Variants in OSBPL3 observed in about 807,000 individuals in gnomAD.
The protein encoded by OSBPL3 is oxysterol-binding protein-related protein 3.
Under a neutral mutation model 120.1 loss-of-function variants are expected in OSBPL3, and 65 were observed. The observed-to-expected ratio is 0.54, with a 90% confidence interval of 0.44 to 0.67. The LOEUF (loss-of-function observed/expected upper bound fraction) is 0.67. Among genes scored for constraint, OSBPL3 ranks in the 30% least tolerant of loss-of-function variants. The pLI is 0.00. For missense variants in OSBPL3, 1,004 were observed against 1,082.1 expected (o/e 0.93, Z 1.01); for synonymous variants, 416 against 402.6 (o/e 1.03, Z -0.40).
chr7:24,859,080 A>C (rs1171467388), intron 10 of OSBPL3, among the ~76,000 whole-genome samples: 1 of 152,332 alleles, frequency 6.6e-6, no homozygotes. Flanking sequence ...CACTCATAAC[A>C]GTCTAATGGT....
At position 24,840,314 on chromosome 7, in the gene OSBPL3, G is replaced by A. The variant is rs1797582955; in HGVS notation, c.1495+376C>T. 5.3e-5 allele frequency among the ~76,000 whole-genome samples: 8 copies of A among 152,216 alleles called. 1 individual carries two copies. In the South Asian group the frequency reaches 1.7e-3, roughly 32 times the overall value. On this transcript the variant is annotated intron_variant, in intron 14 of 22. Coordinates refer to ENST00000313367, the MANE Select transcript of OSBPL3 (RefSeq NM_015550.4). Reference sequence around the variant, plus strand: ...TTCTGCCTCTGCTACCCTTGAGATAGCAAGACCAACCCCTTCTCTTCTTCC... The same window carrying A: ...TTCTGCCTCTGCTACCCTTGAGATAACAAGACCAACCCCTTCTCTTCTTCC...
rs1300724121 is a variant in OSBPL3, at chr7:24,940,836, G to GAT, written c.-150+39049_-150+39050insAT. ...TTTTTTTCTTTTTTTTTTTGTGTGT[G>GAT]TGTGACGGAGTCTCGCTCTGTCGCC... is the stretch of plus-strand genomic sequence containing the variant. On this transcript the variant is annotated intron_variant, in intron 1 of 22. Transcript: ENST00000313367. This position sits in a 1 kb window ranked among gnomAD's most constrained non-coding sequence, Gnocchi z 4.4. 6.8e-6 allele frequency among the ~76,000 whole-genome samples: 1 copy of GAT among 146,452 alleles called. No individual in the cohort carries two copies. Among genetic ancestry groups the GAT allele is most frequent in the African/African-American group, 2.6e-5 (1 of 39,176 alleles).
Position 24,852,409 on chromosome 7 carries a change from CT to C in OSBPL3, c.1158+94del. The stretch of plus-strand genomic sequence containing the variant: ...ATAATTTGGATAATTTGGTTTTCTC[CT>C]GAATTTTCAACATAATCATGGAAAT... On this transcript the variant is annotated intron_variant, in intron 11 of 22. Coordinates refer to ENST00000313367, the MANE Select transcript of OSBPL3 (RefSeq NM_015550.4). The surrounding 1 kb of genome is among the most constrained non-coding windows in gnomAD (Gnocchi z 4.1). 8.4e-7 allele frequency: 1 copy of C among 1,191,144 alleles called. No homozygotes were observed. The highest frequency in any genetic ancestry group is 1.1e-6 in the Non-Finnish European group (1 of 893,572). 73.8% of individuals were successfully genotyped at this position (1,191,144 alleles called of 1,614,324 possible).
chr7:24,804,524 C>G lies in OSBPL3; in HGVS notation c.2445-87G>C. 7.7e-7 allele frequency: 1 copy of G among 1,299,144 alleles called. No homozygotes were observed. The highest frequency in any genetic ancestry group is 2.5e-5 in the East Asian group (1 of 40,318). The allele number at this position is 1,299,144 out of a possible 1,614,324, so 80.5% of individuals were successfully genotyped here. ...CTACTCAACTTGCATGTGTCCACGA[C>G]TGGATATTCAAAATCCTCTCCTATA... On this transcript the variant is annotated intron_variant, in intron 21 of 22. Coordinates refer to ENST00000313367, the MANE Select transcript of OSBPL3 (RefSeq NM_015550.4). The surrounding 1 kb of genome is among the most constrained non-coding windows in gnomAD (Gnocchi z 5.4).
intron 1 of OSBPL3, among the ~76,000 whole-genome samples, chr7:24,956,072 T>C (rs1815010083): frequency 6.6e-6 from 1 of 152,236 alleles, no homozygotes. Flanking sequence ...CCTGGATCAG[T>C]CTCCACGGAA....
chr7:24,960,377 T>C (rs553560080), intron 1 of OSBPL3, among the ~76,000 whole-genome samples: 2 of 152,328 alleles, frequency 1.3e-5, no homozygotes, highest in East Asian at 3.9e-4. Context: ...ACAACCCACG[T>C]ACAAATACTT....
Position 24,892,504 on chromosome 7 carries a change from A to G in OSBPL3, c.-32T>C. On this transcript the variant is annotated 5_prime_UTR_variant, in exon 2 of 23. An upstream open reading frame in the 5' UTR loses its in-frame stop. Coordinates refer to ENST00000313367, the MANE Select transcript of OSBPL3 (RefSeq NM_015550.4). The stretch of plus-strand genomic sequence containing the variant: ...CAAGTCACTTGGCCTCGAGACAATC[A>G]AAATGCCATCAGATGACAAGGGAGC... 1 of 1,605,248 alleles carries G rather than the reference A, an allele frequency of 6.2e-7. No individual in the cohort carries two copies. The highest frequency in any genetic ancestry group is 1.1e-5 in the South Asian group (1 of 90,246).
chr7:24,957,327 A>T (rs1173427481), intron 1 of OSBPL3, among the ~76,000 whole-genome samples: 1 of 152,196 alleles, frequency 6.6e-6, no homozygotes, highest in African/African-American at 2.4e-5. Context: ...CCAAACAAAC[A>T]AATCTTCAGG....
rs767340717 is a variant in OSBPL3 at position 24,891,854 on chromosome 7, G to A, written c.96+523C>T. ...CATCCATTATAGATATAAAGCAGGT[G>A]AGTCTCGAAGCTACTAACAGGGCAA... On this transcript the variant is annotated intron_variant, in intron 2 of 22. Transcript: ENST00000313367. The surrounding 1 kb of genome is among the most constrained non-coding windows in gnomAD (Gnocchi z 4.1). Among the ~76,000 whole-genome samples the A allele has an allele frequency of 6.6e-6, 1 of 152,320 alleles. No individual in the cohort carries two copies. The highest frequency in any genetic ancestry group is 3.4e-3 in the Middle Eastern group (1 of 294).
chr7:24,919,169 A>G (rs1463529118), intron 1 of OSBPL3, among the ~76,000 whole-genome samples: 3 of 152,198 alleles, frequency 2.0e-5, no homozygotes, highest in Non-Finnish European at 4.4e-5. Flanking sequence ...AGATATCTCA[A>G]AATATGTGTG....
chr7:24,866,668 G>T (rs968142414), intron 5 of OSBPL3, among the ~76,000 whole-genome samples: 10 of 152,136 alleles, frequency 6.6e-5, no homozygotes, highest in African/African-American at 2.4e-4. Flanking sequence ...AGAAAGAAAA[G>T]AAAAGGAATG....
chr7:24,857,551 T>C (rs1799986749), intron 10 of OSBPL3, among the ~76,000 whole-genome samples: 1 of 152,208 alleles, frequency 6.6e-6, no homozygotes, highest in African/African-American at 2.4e-5. Flanking sequence ...CTATACGACA[T>C]TTAACAGGCT....
rs1345896644 is a variant in OSBPL3, at chr7:24,801,680, T to C, written c.2568-1401A>G. ...ATACTGTTTTATTGGAACATGGCCA[T>C]GTCCATTTGTTTAAATACTGTTTAT... is the stretch of plus-strand genomic sequence containing the variant. On this transcript the variant is annotated intron_variant, in intron 22 of 22. Transcript: ENST00000313367. Among the ~76,000 whole-genome samples, 4 of 152,374 alleles carry C rather than the reference T, an allele frequency of 2.6e-5. No individual in the cohort carries two copies. In the East Asian group the frequency reaches 5.8e-4, roughly 22 times the overall value.
chr7:24,804,969 A>G lies in OSBPL3; in HGVS notation c.2445-532T>C, dbSNP rs1004960239. Among the ~76,000 whole-genome samples, 2 of 152,244 alleles carry G rather than the reference A, an allele frequency of 1.3e-5. No homozygotes were observed. Among genetic ancestry groups the G allele is most frequent in the Non-Finnish European group, 2.9e-5 (2 of 68,048 alleles). On this transcript the variant is annotated intron_variant, in intron 21 of 22. Coordinates refer to ENST00000313367, the MANE Select transcript of OSBPL3 (RefSeq NM_015550.4). This position sits in a 1 kb window ranked among gnomAD's most constrained non-coding sequence, Gnocchi z 5.4. ...ACATAATATCCAGTTGCGTGGATGT[A>G]TATGAATTTAGACAATTTCCTATGG... is the stretch of plus-strand genomic sequence containing the variant.
chr7:24,805,424 CTT>C lies in OSBPL3; in HGVS notation c.2445-989_2445-988del, dbSNP rs1792904610. ...CTATGTCCATTTTTTTTAACACAAA[CTT>C]AAGATAAATTTAATTGAAAATGTTC... On this transcript the variant is annotated intron_variant, in intron 21 of 22. Coordinates refer to ENST00000313367, the MANE Select transcript of OSBPL3 (RefSeq NM_015550.4). This position sits in a 1 kb window ranked among gnomAD's most constrained non-coding sequence, Gnocchi z 4.0. Among the ~76,000 whole-genome samples, 1 of 152,182 alleles carries C rather than the reference CTT, an allele frequency of 6.6e-6. No homozygotes were observed. Among genetic ancestry groups the C allele is most frequent in the Admixed American group, 6.5e-5 (1 of 15,288 alleles).
Position 24,891,459 on chromosome 7 carries a change from C to T in OSBPL3, c.96+918G>A, listed in dbSNP as rs1805344487. ...GTGGGAGTTGCTTAATTGCTGCTTC[C>T]AATTCTGGAACCAAAGACTCTGGGT... On this transcript the variant is annotated intron_variant, in intron 2 of 22. Coordinates refer to ENST00000313367, the MANE Select transcript of OSBPL3 (RefSeq NM_015550.4). The surrounding 1 kb of genome is among the most constrained non-coding windows in gnomAD (Gnocchi z 4.1). 6.6e-6 allele frequency among the ~76,000 whole-genome samples: 1 copy of T among 152,144 alleles called. No homozygotes were observed. Among genetic ancestry groups the T allele is most frequent in the African/African-American group, 2.4e-5 (1 of 41,412 alleles).
intron 1 of OSBPL3, among the ~76,000 whole-genome samples, chr7:24,931,860 T>C (rs1016799704): frequency 6.6e-6 from 1 of 152,196 alleles, no homozygotes; most frequent in African/African-American, 2.4e-5. Context: ...ACAAGACTGA[T>C]ACTGTCTCAA....
intron 1 of OSBPL3, among the ~76,000 whole-genome samples, chr7:24,942,197 C>T (rs1048949461): frequency 4.6e-5 from 7 of 151,282 alleles, no homozygotes; most frequent in South Asian, 2.1e-4. Context: ...AGAAAACAAA[C>T]GGGCTATTTG....
rs908838907 is a variant in OSBPL3 at position 24,854,584 on chromosome 7, A to C, written c.1028-1950T>G. On this transcript the variant is annotated intron_variant, in intron 10 of 22. Coordinates refer to ENST00000313367, the MANE Select transcript of OSBPL3 (RefSeq NM_015550.4). The surrounding 1 kb of genome is among the most constrained non-coding windows in gnomAD (Gnocchi z 4.1). ...CTCTGCCAACAGAAGATGGGGGTCA[A>C]ATGGAACTAAAATTTTCTAACGACG... Among the ~76,000 whole-genome samples, 1 of 151,968 alleles carries C rather than the reference A, an allele frequency of 6.6e-6. No homozygotes were observed. The highest frequency in any genetic ancestry group is 1.5e-5 in the Non-Finnish European group (1 of 67,986).
Sources: allele counts gnomAD v4.1 joint callset (sites outside exome capture counted in the v4.1 genomes callset), GRCh38; gene constraint gnomAD v4.1.1; non-coding constraint Gnocchi (gnomAD v3.1); transcripts MANE v1.5; gene names NCBI Gene and HGNC (gene_info 2026-07-23, HGNC 2026-07-21).